Variants in CENPC observed in about 807,000 individuals in gnomAD.
CENPC encodes centromere protein C.
Under a neutral mutation model 112.1 loss-of-function variants are expected in CENPC, and 63 were observed. The ratio of observed to expected loss-of-function variants is 0.56; its 90% CI spans 0.46 to 0.69. CENPC has a LOEUF of 0.69. Among genes scored for constraint, CENPC ranks in the 30% least tolerant of loss-of-function variants. The pLI is 0.00. For synonymous variants in CENPC, 333 were observed against 367.6 expected, an observed-to-expected ratio of 0.91 and a Z score of 1.08; for missense variants, 1,000 against 1,103.8, an observed-to-expected ratio of 0.91 and a Z score of 1.33.
At chr4:67,497,676 A>T (rs1459912620) in intron 12 of CENPC, among the ~76,000 whole-genome samples, 1 of 151,980 alleles carries the variant, frequency 6.6e-6, no homozygotes, top group Non-Finnish European at 1.5e-5. Flanking sequence ...GGAACCAGAG[A>T]TGCACACCAC....
intron 11 of CENPC, among the ~76,000 whole-genome samples, chr4:67,505,980 C>T (rs777433928): frequency 6.6e-6 from 1 of 151,964 alleles, no homozygotes; most frequent in Non-Finnish European, 1.5e-5. Context: ...AAAATGTGGT[C>T]CAGAAATTGT....
Position 67,530,896 on chromosome 4 carries a change from T to G in CENPC, c.250A>C (p.Lys84Gln). ...TTCTTTGAAGAAACTGGAACTGACT[T>G]TGGATGTGATTTCTGGCACTGAGCA... The part of the protein sequence containing the change: ...PSKECQKSHP[K>Q]SVPVSSKKKE... Residue 84 changes from lysine to glutamine, a missense_variant, in exon 5 of 19, where the codon AAG (lysine) becomes CAG (glutamine). Coordinates refer to ENST00000273853, the MANE Select transcript of CENPC (RefSeq NM_001812.4). 1 of 1,595,642 alleles carries G rather than the reference T, an allele frequency of 6.3e-7. No individual in the cohort carries two copies. Among genetic ancestry groups the G allele is most frequent in the South Asian group, 1.1e-5 (1 of 88,788 alleles).
chr4:67,514,481 G>A lies in CENPC; in HGVS notation c.1037C>T (p.Ser346Leu). 6.2e-7 allele frequency: 1 copy of A among 1,613,486 alleles called. No homozygotes were observed. The highest frequency in any genetic ancestry group is 8.5e-7 in the Non-Finnish European group (1 of 1,179,786). The change falls in exon 8 of 19, where the codon TCA becomes TTA. Residue 346 changes from serine to leucine, a missense_variant. Coordinates refer to ENST00000273853, the MANE Select transcript of CENPC (RefSeq NM_001812.4). ...ESTALLQGRK[S>L]REKHHNILPK... is the part of the protein sequence containing the mutation. ...TAATATATTATGATGCTTTTCTCTT[G>A]ACTTTCTACCTTGAAGGAGTGCAGT...
chr4:67,519,131 A>G, intron 6 of CENPC, 86 bp downstream of exon 6: 1 of 965,920 alleles, frequency 1.0e-6, no homozygotes, highest in South Asian at 2.0e-5. Context: ...TTAGTGTAAA[A>G]TAATATAACA....
Position 67,469,221 on chromosome 4 carries a change from T to C in CENPC, c.*3384A>G, listed in dbSNP as rs1297979588. 6.6e-6 allele frequency: 1 copy of C among 152,188 alleles called. No homozygotes were observed. Among genetic ancestry groups the C allele is most frequent in the African/African-American group, 2.4e-5 (1 of 41,446 alleles). 9.4% of individuals were successfully genotyped at this position (152,188 alleles called of 1,614,324 possible). A position where few individuals can be genotyped will look rare whatever the true frequency, so the allele number is the denominator to read the frequency against. ...AAATTAGAAAAATCATTAAAAAAAC[T>C]CTCATGGGTGATGCCCACGATGGAT... is the stretch of plus-strand genomic sequence containing the variant. On this transcript the variant is annotated 3_prime_UTR_variant, in exon 19 of 19. Transcript: ENST00000273853.
In CENPC at chr4:67,472,614, T is replaced by C. The variant is rs1724698368; in HGVS notation, c.2823A>G (p.Ile941Met). The C allele has an allele frequency of 4.0e-6, 6 of 1,509,862 alleles. No individual in the cohort carries two copies. The East Asian group carries it at 1.5e-4, about 38-fold the overall frequency. 93.5% of individuals were successfully genotyped at this position (1,509,862 alleles called of 1,614,324 possible). ...NEESVLLFTQ[I>M]KR ...AAGGTTGGTTGATCTTTCATCTTTT[T>C]ATCTGAGTAAAAAGAAGAACACTTT... The change falls in exon 19 of 19, where the codon ATA becomes ATG. Residue 941 changes from isoleucine to methionine, a missense_variant. Physicochemically the swap from Ile to Met is conservative, Grantham distance 10. Coordinates refer to ENST00000273853, the MANE Select transcript of CENPC (RefSeq NM_001812.4).
Position 67,501,061 on chromosome 4 carries a change from G to A in CENPC, c.2131+4144C>T, listed in dbSNP as rs191200466. Reference sequence around the variant, plus strand: ...GGTGGCTCACACCTGTAATCCCAGCGCTTTGGGAGACTGAGGTGTGCAGAT... The same window carrying A: ...GGTGGCTCACACCTGTAATCCCAGCACTTTGGGAGACTGAGGTGTGCAGAT... On this transcript the variant is annotated intron_variant, in intron 12 of 18. Transcript: ENST00000273853. Among the ~76,000 whole-genome samples the A allele has an allele frequency of 1.3e-3, 200 of 152,184 alleles. 2 individuals are homozygous for A. Among genetic ancestry groups the A allele is most frequent in the African/African-American group, 4.4e-3 (182 of 41,546 alleles).
At chr4:67,543,371 A>C (rs905033138) in intron 2 of CENPC, among the ~76,000 whole-genome samples, 1 of 152,156 alleles carries the variant, frequency 6.6e-6, no homozygotes, top group Non-Finnish European at 1.5e-5. Flanking sequence ...AGGTCCACCA[A>C]AGTTACACTA....
chr4:67,511,049 C>T (rs1423659068), intron 9 of CENPC: 3 of 455,960 alleles, frequency 6.6e-6, no homozygotes, highest in South Asian at 4.6e-5. Flanking sequence ...GTGAGTTCCC[C>T]AAAGCAGTAA....
At chr4:67,484,456 G>T (rs969233360) in intron 17 of CENPC, among the ~76,000 whole-genome samples, 1 of 152,202 alleles carries the variant, frequency 6.6e-6, no homozygotes, top group African/African-American at 2.4e-5. Flanking sequence ...ACAGCAGGAG[G>T]TAAGCAGCAC....
At chr4:67,504,074 G>A (rs963487092) in intron 12 of CENPC, among the ~76,000 whole-genome samples, 3 of 132,672 alleles carry the variant, frequency 2.3e-5, no homozygotes, top group African/African-American at 8.6e-5. Flanking sequence ...GATGCTTCCC[G>A]ATCAGTGGTG....
chr4:67,499,300 C>T (rs355517), intron 12 of CENPC, among the ~76,000 whole-genome samples: 95,890 of 152,088 alleles, frequency 0.63, 30,490 homozygotes, highest in East Asian at 0.81. Flanking sequence ...CAGCTATGAA[C>T]GTCCTAGATG....
intron 5 of CENPC, among the ~76,000 whole-genome samples, chr4:67,525,728 G>A (rs1269724505): frequency 6.6e-6 from 1 of 152,230 alleles, no homozygotes; most frequent in East Asian, 1.9e-4. Context: ...TGGTAGGAGT[G>A]TAAATTAGTT....
At chr4:67,480,643 C>T (rs931391142) in intron 17 of CENPC, among the ~76,000 whole-genome samples, 13 of 152,244 alleles carry the variant, frequency 8.5e-5, no homozygotes, top group African/African-American at 2.4e-4. Flanking sequence ...GGAGTCAATA[C>T]GCAAGTCAAT....
intron 7 of CENPC, among the ~76,000 whole-genome samples, chr4:67,517,715 G>A (rs1469035717): frequency 6.6e-6 from 1 of 151,924 alleles, no homozygotes; most frequent in African/African-American, 2.4e-5. Context: ...GCAGGTGCCT[G>A]TGATCCCAGC....
rs1724637422 is a variant in CENPC at position 67,470,710 on chromosome 4, C to A, written c.*1895G>T. 6.6e-6 allele frequency: 1 copy of A among 152,148 alleles called. No homozygotes were observed. Among genetic ancestry groups the A allele is most frequent in the Non-Finnish European group, 1.5e-5 (1 of 68,064 alleles). The allele number at this position is 152,148 out of a possible 1,614,324, so 9.4% of individuals were successfully genotyped here. A position where few individuals can be genotyped will look rare whatever the true frequency, so the allele number is the denominator to read the frequency against. ...CCCCTAGGTTGATTGGTAAAAACTA[C>A]AGTTTTGTCTGGCTGTAGCTAACTG... On this transcript the variant is annotated 3_prime_UTR_variant, in exon 19 of 19. Transcript: ENST00000273853.
chr4:67,505,231 T>A lies in CENPC; in HGVS notation c.2105A>T (p.Asp702Val). ...NYLMSGKNDV[D>V]DEEVHGSSDD... ...TGAACTTCCATGAACTTCCTCATCA[T>A]CCACATCATTCTTTCCAGACATTAA... Residue 702 changes from aspartate to valine, a missense_variant, in exon 12 of 19, where the codon GAT becomes GTT. Asp to Val is a radical substitution (Grantham distance 152). Transcript: ENST00000273853. The A allele has an allele frequency of 5.1e-6, 8 of 1,583,246 alleles. No individual in the cohort carries two copies. Among genetic ancestry groups the A allele is most frequent in the Non-Finnish European group, 6.9e-6 (8 of 1,165,096 alleles).
At chr4:67,492,141 T>C in intron 16 of CENPC, 39 bp downstream of exon 16, 1 of 1,293,340 alleles carries the variant, frequency 7.7e-7, no homozygotes. Context: ...TCTTACAAAT[T>C]GTTTAATTAA....
intron 17 of CENPC, among the ~76,000 whole-genome samples, chr4:67,478,640 AC>A: frequency 6.6e-6 from 1 of 150,804 alleles, no homozygotes; most frequent in South Asian, 2.1e-4. Context: ...ACACACACAC[AC>A]ACACACACAC....
Sources: allele counts gnomAD v4.1 joint callset (sites outside exome capture counted in the v4.1 genomes callset), GRCh38; gene constraint gnomAD v4.1.1; transcripts MANE v1.5; gene names NCBI Gene and HGNC (gene_info 2026-07-23, HGNC 2026-07-21).